Variants in PI4K2B observed in about 807,000 individuals in gnomAD.
The protein encoded by PI4K2B is phosphatidylinositol 4-kinase type 2-beta.
Under a neutral mutation model 56.6 loss-of-function variants are expected in PI4K2B, and 46 were observed. That is an observed-to-expected ratio of 0.81 (90% CI 0.64 to 1.04). The LOEUF is 1.04. PI4K2B is among the 50% of genes least tolerant of loss of function. The probability of loss-of-function intolerance (pLI) is 0.00; values close to 1 mark genes in which losing one functional copy is unlikely to be tolerated. For missense variants in PI4K2B, 556 were observed against 607.7 expected (o/e 0.91, Z 0.89); for synonymous variants, 211 against 223.8 (o/e 0.94, Z 0.51).
chr4:25,236,273 G>A lies in PI4K2B; in HGVS notation c.268+1842G>A, dbSNP rs190881578. Among the ~76,000 whole-genome samples the A allele has an allele frequency of 4.0e-3, 604 of 151,086 alleles. 2 individuals are homozygous for A. The highest frequency in any genetic ancestry group is 0.021 in the South Asian group (103 of 4,796). Reference sequence around the variant, plus strand: ...AATAAATAAATTTTATTCTCTGTTGGGTGCCATGGCTCATGCCTGTAATCC... The same window carrying A: ...AATAAATAAATTTTATTCTCTGTTGAGTGCCATGGCTCATGCCTGTAATCC... On this transcript the variant is annotated intron_variant, in intron 1 of 9. Transcript: ENST00000264864.
intron 6 of PI4K2B, among the ~76,000 whole-genome samples, chr4:25,263,095 T>C (rs1214247875): frequency 6.6e-6 from 1 of 152,146 alleles, no homozygotes; most frequent in African/African-American, 2.4e-5. Context: ...GAGAACTCAC[T>C]CACTGTCACG....
At chr4:25,243,900 A>G (rs533004525) in intron 1 of PI4K2B, among the ~76,000 whole-genome samples, 87 of 152,240 alleles carry the variant, frequency 5.7e-4, no homozygotes, top group African/African-American at 1.7e-3. Context: ...TGGCTTGCTG[A>G]CTGGTAGGGA....
chr4:25,246,125 C>G (rs1715766815), intron 1 of PI4K2B, among the ~76,000 whole-genome samples: 1 of 152,052 alleles, frequency 6.6e-6, no homozygotes, highest in South Asian at 2.1e-4. Context: ...AGTGTTACAG[C>G]TCAGAAAGGC....
chr4:25,257,560 A>AATCC (rs975312460), intron 4 of PI4K2B, among the ~76,000 whole-genome samples: 4 of 152,190 alleles, frequency 2.6e-5, no homozygotes, highest in Non-Finnish European at 1.5e-5. Flanking sequence ...AACCTGAGGG[A>AATCC]TGATGAGCAG....
rs148975519 is a variant in PI4K2B at position 25,268,996 on chromosome 4, C to G, written c.1213-148C>G. On this transcript the variant is annotated intron_variant, in intron 8 of 9. Transcript: ENST00000264864. ...TCATTCTGGGAGTATACAAAAATAC[C>G]TCAGGTAAAAATACTATTTTTGTTT... 508 of 519,442 alleles carry G rather than the reference C, an allele frequency of 9.8e-4. 1 individual carries two copies. Among genetic ancestry groups the G allele is most frequent in the African/African-American group, 8.9e-3 (455 of 51,270 alleles). 32.2% of individuals were successfully genotyped at this position (519,442 alleles called of 1,614,324 possible). A position where few individuals can be genotyped will look rare whatever the true frequency, so the allele number is the denominator to read the frequency against.
In PI4K2B at chr4:25,268,429, C is replaced by T; in HGVS notation, c.1079-14C>T. 6.3e-7 allele frequency: 1 copy of T among 1,595,474 alleles called. No homozygotes were observed. Among genetic ancestry groups the T allele is most frequent in the Non-Finnish European group, 8.5e-7 (1 of 1,171,604 alleles). ...TTTCCTACCACTGATTAGGAGAATG[C>T]TTTTTTCTATTAGATCCATTTCACT... On this transcript the variant is annotated splice_polypyrimidine_tract_variant and intron_variant, in intron 7 of 9. Transcript: ENST00000264864.
chr4:25,235,303 G>A (rs1715209178), intron 1 of PI4K2B, among the ~76,000 whole-genome samples: 1 of 152,162 alleles, frequency 6.6e-6, no homozygotes, highest in Non-Finnish European at 1.5e-5. Flanking sequence ...TTGTGCACCC[G>A]GTTGGTTTAT....
At chr4:25,246,946 G>A (rs980614176) in intron 1 of PI4K2B, among the ~76,000 whole-genome samples, 2 of 152,208 alleles carry the variant, frequency 1.3e-5, no homozygotes, top group African/African-American at 4.8e-5. Context: ...CCTGGAACTT[G>A]CGCTGGCCTG....
chr4:25,272,001 C>T (rs574543310), intron 9 of PI4K2B, among the ~76,000 whole-genome samples: 14 of 152,186 alleles, frequency 9.2e-5, no homozygotes, highest in South Asian at 4.1e-4. Flanking sequence ...AAATTAGCCA[C>T]GCATGGTGGC....
chr4:25,250,694 A>G (rs1005125052), intron 1 of PI4K2B: 1 of 152,214 alleles, frequency 6.6e-6, no homozygotes, highest in Non-Finnish European at 1.5e-5. Flanking sequence ...TAAAAGTTAC[A>G]AAGAAAAAGT....
At chr4:25,257,852 A>G (rs562714844) in intron 4 of PI4K2B, among the ~76,000 whole-genome samples, 2 of 152,344 alleles carry the variant, frequency 1.3e-5, no homozygotes, top group Admixed American at 1.3e-4. Flanking sequence ...TATGACTACT[A>G]GGTCTTAGTT....
chr4:25,276,832 C>CGCGTGTGT, intron 9 of PI4K2B, 182 bp from the exon 10 acceptor site: 1 of 935,826 alleles, frequency 1.1e-6, no homozygotes, highest in African/African-American at 1.8e-5. Flanking sequence ...TGTGTGTGTG[C>CGCGTGTGT]GCGTGTGTGT....
At position 25,234,154 on chromosome 4, in the gene PI4K2B, G is replaced by C; in HGVS notation, c.-10G>C. 3 of 1,353,984 alleles carry C rather than the reference G, an allele frequency of 2.2e-6. No homozygotes were observed. Among genetic ancestry groups the C allele is most frequent in the Non-Finnish European group, 2.9e-6 (3 of 1,050,528 alleles). 83.9% of individuals were successfully genotyped at this position (1,353,984 alleles called of 1,614,324 possible). A position where few individuals can be genotyped will look rare whatever the true frequency, so the allele number is the denominator to read the frequency against. ...ATCTGGTCTCAGCGCGGAGGGAGCA[G>C]AGGGAGTCCATGGAGGATCCCTCCG... On this transcript the variant is annotated 5_prime_UTR_variant, in exon 1 of 10. Transcript: ENST00000264864.
intron 2 of PI4K2B, among the ~76,000 whole-genome samples, chr4:25,253,532 T>C (rs1716140060): frequency 5.3e-5 from 8 of 152,218 alleles, no homozygotes; most frequent in Admixed American, 5.2e-4. Flanking sequence ...TCTCAATCTT[T>C]ATTCTAAGCT....
At chr4:25,264,011 G>A (rs184430368) in intron 7 of PI4K2B, among the ~76,000 whole-genome samples, 162 bp downstream of exon 7, 52 of 152,226 alleles carry the variant, frequency 3.4e-4, no homozygotes, top group African/African-American at 1.2e-3. Flanking sequence ...ATACTACAGG[G>A]TCTTGCTATG....
Position 25,275,900 on chromosome 4 carries a change from C to T in PI4K2B, c.1273-1114C>T, listed in dbSNP as rs34486443. On this transcript the variant is annotated intron_variant, in intron 9 of 9. Transcript: ENST00000264864. ...AGGAGGATTGCATGAGCCAGGAGTT[C>T]AAGATCAGCCCTGGCAACATAGCAA... Among the ~76,000 whole-genome samples, 1,749 of 152,142 alleles carry T rather than the reference C, an allele frequency of 0.011. 75 individuals are homozygous for T. The East Asian group carries it at 0.16, about 14-fold the overall frequency.
At chr4:25,263,431 G>A (rs1473757035) in intron 6 of PI4K2B, among the ~76,000 whole-genome samples, 1 of 152,058 alleles carries the variant, frequency 6.6e-6, no homozygotes, top group African/African-American at 2.4e-5. Flanking sequence ...TTTAAGCAAT[G>A]AATCTAGCAG....
At chr4:25,274,781 A>G (rs1400791897) in intron 9 of PI4K2B, among the ~76,000 whole-genome samples, 1 of 152,090 alleles carries the variant, frequency 6.6e-6, no homozygotes, top group African/African-American at 2.4e-5. Flanking sequence ...TAATTTGTAG[A>G]GCAACTTCCG....
intron 9 of PI4K2B, among the ~76,000 whole-genome samples, chr4:25,273,728 C>T (rs569783347): frequency 7.9e-4 from 121 of 152,334 alleles, no homozygotes; most frequent in African/African-American, 2.8e-3. Flanking sequence ...TCCTCTTCCA[C>T]GCTGAAACAA....
Sources: gnomAD v4.1 joint callset for allele counts (sites outside exome capture counted in the v4.1 genomes callset) on GRCh38, gnomAD v4.1.1 for gene constraint, MANE v1.5 for transcripts, NCBI Gene and HGNC (gene_info 2026-07-23, HGNC 2026-07-21) for gene names.